The following PLA2G7 variants were observed in gnomAD, a reference collection of about 807,000 sequenced individuals.
PLA2G7 encodes the protein platelet-activating factor acetylhydrolase.
PLA2G7 carries 63 observed loss-of-function variants against 49.6 expected under a neutral mutation model. The observed-to-expected ratio is 1.27, with a 90% CI of 1.04 to 1.57. The LOEUF (loss-of-function observed/expected upper bound fraction) is 1.57. Among genes scored for constraint, PLA2G7 ranks in the 40% most tolerant of loss-of-function variants. The pLI, the probability that PLA2G7 is intolerant of heterozygous loss-of-function variation, is 0.00. For missense variants in PLA2G7, 596 were observed against 521.2 expected (o/e 1.14, Z -1.40); for synonymous variants, 193 against 169.9 (o/e 1.14, Z -1.06).
chr6:46,708,218 GA>G, intron 9 of PLA2G7, 57 bp from the exon 10 acceptor site: 1 of 1,279,926 alleles, frequency 7.8e-7, no homozygotes, highest in Non-Finnish European at 1.1e-6. Flanking sequence ...AGCCAACATT[GA>G]GGACATCCTA....
Position 46,722,901 on chromosome 6 carries a change from T to A in PLA2G7, c.-10A>T. 1 of 1,538,938 alleles carries A rather than the reference T, an allele frequency of 6.5e-7. No homozygotes were observed. The highest frequency in any genetic ancestry group is 2.2e-5 in the East Asian group (1 of 44,494). On this transcript the variant is annotated 5_prime_UTR_variant, in exon 2 of 12. Transcript: ENST00000274793. ...ATTTGGGTGGCACCATCTTGGGAGCTGAGCAGCAGTTTCAGCTTAGTCTCC... is the reference window on the plus strand; with the variant it reads ...ATTTGGGTGGCACCATCTTGGGAGCAGAGCAGCAGTTTCAGCTTAGTCTCC...
At chr6:46,715,426 C>A (rs1206636560) in intron 4 of PLA2G7, among the ~76,000 whole-genome samples, 1 of 152,160 alleles carries the variant, frequency 6.6e-6, no homozygotes, top group Non-Finnish European at 1.5e-5. Flanking sequence ...AAAATGATAT[C>A]TCTTTCATAG....
intron 2 of PLA2G7, among the ~76,000 whole-genome samples, chr6:46,721,394 T>C (rs994051937): frequency 5.3e-5 from 8 of 152,070 alleles, no homozygotes; most frequent in African/African-American, 1.9e-4. Context: ...TTGGGCTCAA[T>C]GCTGGGACTA....
At chr6:46,720,717 C>T (rs2150705575) in intron 2 of PLA2G7, among the ~76,000 whole-genome samples, 2 of 152,278 alleles carry the variant, frequency 1.3e-5, no homozygotes, top group Middle Eastern at 3.4e-3. Context: ...TTTTCTTCAA[C>T]TTTATTTTAA....
chr6:46,720,413 G>A (rs982420652), intron 2 of PLA2G7, among the ~76,000 whole-genome samples: 2 of 152,226 alleles, frequency 1.3e-5, no homozygotes. Flanking sequence ...TCAGGTCAAG[G>A]TGAGGTCTGC....
At position 46,716,429 on chromosome 6, in the gene PLA2G7, G is replaced by A. The variant is rs747316945; in HGVS notation, c.331C>T (p.Leu111Phe). 3 of 1,614,054 alleles carry A rather than the reference G, an allele frequency of 1.9e-6. No individual in the cohort carries two copies. Among genetic ancestry groups the A allele is most frequent in the African/African-American group, 2.7e-5 (2 of 75,034 alleles). ...TTGCCCATAAGCCAGTGTGTTCCAAGAAATTTGCTAAGACCCCAAAAATAT... is the reference window on the plus strand; with the variant it reads ...TTGCCCATAAGCCAGTGTGTTCCAAAAAATTTGCTAAGACCCCAAAAATAT... ...KEYFWGLSKFLGTHWLMGNIL... is the reference protein window; with the variant it reads ...KEYFWGLSKFFGTHWLMGNIL... Residue 111 changes from leucine to phenylalanine, a missense_variant, in exon 4 of 12, where the codon CTT (leucine) becomes TTT (phenylalanine). Transcript: ENST00000274793.
Position 46,716,988 on chromosome 6 carries a change from T to A in PLA2G7, c.218A>T (p.Asp73Val). 1 of 1,613,710 alleles carries A rather than the reference T, an allele frequency of 6.2e-7. No homozygotes were observed. Among genetic ancestry groups the A allele is most frequent in the Non-Finnish European group, 8.5e-7 (1 of 1,179,598 alleles). ...YSVGCTDLMF[D>V]HTNKGTFLRL... The stretch of plus-strand genomic sequence containing the variant: ...TCAAAGCATTACCTTATTAGTGTGA[T>A]CAAACATTAAGTCTGTACAACCAAC... The change falls in exon 3 of 12, where the codon GAT (aspartate) becomes GTT (valine). Residue 73 changes from aspartate to valine, a missense_variant. Transcript: ENST00000274793.
intron 1 of PLA2G7, among the ~76,000 whole-genome samples, chr6:46,733,916 T>C (rs2150717351): frequency 6.6e-6 from 1 of 152,312 alleles, no homozygotes; most frequent in South Asian, 2.1e-4. Flanking sequence ...CAAAAGTAAT[T>C]TGTGCAAGCC....
chr6:46,726,885 G>A (rs1263945509), intron 1 of PLA2G7, among the ~76,000 whole-genome samples: 2 of 151,772 alleles, frequency 1.3e-5, no homozygotes, highest in Non-Finnish European at 2.9e-5. Context: ...CATGTGATCC[G>A]CTCACCTCTA....
intron 4 of PLA2G7, among the ~76,000 whole-genome samples, chr6:46,715,545 C>T (rs1337201522): frequency 6.6e-6 from 1 of 152,180 alleles, no homozygotes; most frequent in Non-Finnish European, 1.5e-5. Context: ...TTTCACTTCT[C>T]AATTTTTATT....
intron 7 of PLA2G7, 138 bp from the exon 8 acceptor site, chr6:46,710,796 T>G: frequency 1.4e-6 from 1 of 694,954 alleles, no homozygotes; most frequent in South Asian, 1.6e-5. Context: ...TATTACTTGC[T>G]ACCATAATGA....
At chr6:46,714,941 G>A (rs1765156662) in intron 4 of PLA2G7, among the ~76,000 whole-genome samples, 4 of 151,790 alleles carry the variant, frequency 2.6e-5, no homozygotes, top group Admixed American at 2.6e-4. Context: ...CTCCATGTTG[G>A]TCAGGCTGGT....
At chr6:46,716,624 C>T in intron 3 of PLA2G7, 96 bp from the exon 4 acceptor site, 1 of 1,249,738 alleles carries the variant, frequency 8.0e-7, no homozygotes, top group Non-Finnish European at 1.1e-6. Context: ...GACTCAAATA[C>T]CTCTGTGTTC....
chr6:46,720,062 G>A (rs1765346353), intron 2 of PLA2G7, among the ~76,000 whole-genome samples: 1 of 152,220 alleles, frequency 6.6e-6, no homozygotes, highest in Admixed American at 6.5e-5. Context: ...GGACCTTAAG[G>A]TAGGGACACC....
rs541604739 is a variant in PLA2G7 at position 46,722,984 on chromosome 6, C to G, written c.-34-59G>C. 19 of 740,880 alleles carry G rather than the reference C, an allele frequency of 2.6e-5. No homozygotes were observed. In the African/African-American group the frequency reaches 3.3e-4, roughly 13 times the overall value. The allele number at this position is 740,880 out of a possible 1,614,324, so 45.9% of individuals were successfully genotyped here. A position where few individuals can be genotyped will look rare whatever the true frequency, so the allele number is the denominator to read the frequency against. On this transcript the variant is annotated intron_variant, in intron 1 of 11. Coordinates refer to ENST00000274793, the MANE Select transcript of PLA2G7 (RefSeq NM_005084.4). ...ATGCAATGAAGAGGCCTTAAATAAG[C>G]TGACAAATCAAGAAAGGCTGAGGTA...
At chr6:46,714,383 T>C in intron 5 of PLA2G7, 77 bp downstream of exon 5, 1 of 894,408 alleles carries the variant, frequency 1.1e-6, no homozygotes, top group East Asian at 2.4e-5. Context: ...CATTCCAAAC[T>C]CTGCTATTTC....
intron 1 of PLA2G7, among the ~76,000 whole-genome samples, chr6:46,727,204 C>T (rs1049944705): frequency 6.6e-6 from 1 of 152,218 alleles, no homozygotes; most frequent in Admixed American, 6.5e-5. Flanking sequence ...CCATACACAA[C>T]CATAACTGCC....
At chr6:46,717,201 CTTCT>C (rs2150702000) in intron 2 of PLA2G7, 105 bp from the exon 3 acceptor site, 1 of 1,064,768 alleles carries the variant, frequency 9.4e-7, no homozygotes, top group East Asian at 2.4e-5. Flanking sequence ...AGTTTCTGGC[CTTCT>C]TTCTTTCTCA....
At chr6:46,728,187 G>A (rs1438074636) in intron 1 of PLA2G7, among the ~76,000 whole-genome samples, 2 of 152,172 alleles carry the variant, frequency 1.3e-5, no homozygotes, top group Admixed American at 6.5e-5. Context: ...TTTTACAATA[G>A]GATGAAGGCT....
Sources: gnomAD v4.1 joint callset for allele counts (sites outside exome capture counted in the v4.1 genomes callset) on GRCh38, gnomAD v4.1.1 for gene constraint, MANE v1.5 for transcripts, NCBI Gene and HGNC (gene_info 2026-07-23, HGNC 2026-07-21) for gene names.